Variants in ZBED6 observed in about 807,000 individuals in gnomAD.
ZBED6 encodes zinc finger BED-type containing 6.
Under a neutral mutation model 58.4 loss-of-function variants are expected in ZBED6, and 40 were observed. The ratio of observed to expected loss-of-function variants is 0.68; its 90% CI spans 0.53 to 0.89. The LOEUF is 0.89. ZBED6 is among the 40% of genes least tolerant of loss of function. The pLI is 0.00. For missense variants in ZBED6, 1,057 were observed against 1,003.9 expected (o/e 1.05, Z -0.71); for synonymous variants, 439 against 350.6 (o/e 1.25, Z -2.82).
At chr1:203,800,643 A>G (rs577448752) in exon 1 of ZBED6, 67 of 531,272 alleles carry the variant, frequency 1.3e-4, no homozygotes, top group African/African-American at 9.7e-4. Context: ...AAGATTTCAT[A>G]GCTATAACTG....
chr1:203,805,575 A>G lies in ZBED6; in HGVS notation c.*2554+2559A>G, dbSNP rs1030607715. ...GTAAATTTGGAAAGATCAGTATTTC[A>G]TAGTCCCATAATATGTTTTACATGA... is the stretch of plus-strand genomic sequence containing the variant. On this transcript the variant is annotated intron_variant, in intron 1 of 16. Transcript: ENST00000550078. 1.5e-5 allele frequency: 9 copies of G among 614,596 alleles called. No homozygotes were observed. In the African/African-American group the frequency reaches 1.5e-4, roughly 10 times the overall value. The allele number at this position is 614,596 out of a possible 1,614,324, so 38.1% of individuals were successfully genotyped here. A position where few individuals can be genotyped will look rare whatever the true frequency, so the allele number is the denominator to read the frequency against.
chr1:203,842,242 G>A (rs1242444408), intron 11 of ZBED6, among the ~76,000 whole-genome samples: 2 of 152,192 alleles, frequency 1.3e-5, no homozygotes, highest in African/African-American at 2.4e-5. Context: ...GGGAGGCAAG[G>A]CAGGCGGCTG....
intron 1 of ZBED6, among the ~76,000 whole-genome samples, chr1:203,816,122 A>G (rs897767411): frequency 6.6e-6 from 1 of 152,208 alleles, no homozygotes; most frequent in Admixed American, 6.5e-5. Context: ...TCACCTAGTT[A>G]TGATTATATA....
exon 1 of ZBED6, chr1:203,798,585 A>G: frequency 2.0e-6 from 3 of 1,536,178 alleles, no homozygotes; most frequent in Non-Finnish European, 2.6e-6. Context: ...GTCTACAGGC[A>G]GCCAAGATTT....
chr1:203,805,919 C>T (rs1672169749), intron 1 of ZBED6: 2 of 666,922 alleles, frequency 3.0e-6, no homozygotes, highest in Non-Finnish European at 5.7e-6. Context: ...TGCTTGTCTA[C>T]CTTCATTTCC....
chr1:203,798,968 G>T, exon 1 of ZBED6: 2 of 1,536,080 alleles, frequency 1.3e-6, no homozygotes, highest in South Asian at 2.4e-5. Context: ...AGATACACCT[G>T]ACTGTTGACA....
chr1:203,805,838 G>T, intron 1 of ZBED6: 1 of 906,574 alleles, frequency 1.1e-6, no homozygotes, highest in Non-Finnish European at 1.8e-6. Context: ...AGTGCTTCTT[G>T]GATTTCATTT....
intron 1 of ZBED6, among the ~76,000 whole-genome samples, chr1:203,810,081 TATTG>T (rs139197405): frequency 0.1 from 15,935 of 152,124 alleles, 1,094 homozygotes; most frequent in Non-Finnish European, 0.15. Flanking sequence ...CATGGGATAG[TATTG>T]ATTATAAAGT....
At position 203,840,211 on chromosome 1, in the gene ZBED6, T is replaced by C. The variant is rs1017373336; in HGVS notation, c.*3673-95T>C. On this transcript the variant is annotated intron_variant, in intron 10 of 16. Transcript: ENST00000550078. Reference sequence around the variant, plus strand: ...GCCTTGGCCTCCCAAAGTTCTGGGATTACAGGTGTATGCCACCATGCCCAG... The same window carrying C: ...GCCTTGGCCTCCCAAAGTTCTGGGACTACAGGTGTATGCCACCATGCCCAG... 5.7e-6 allele frequency: 7 copies of C among 1,238,082 alleles called. No individual in the cohort carries two copies. The African/African-American group carries it at 9.1e-5, about 16-fold the overall frequency. The allele number at this position is 1,238,082 out of a possible 1,614,324, so 76.7% of individuals were successfully genotyped here.
At chr1:203,827,074 G>A (rs960197834) in intron 3 of ZBED6, among the ~76,000 whole-genome samples, 11 of 152,202 alleles carry the variant, frequency 7.2e-5, no homozygotes, top group African/African-American at 2.6e-4. Context: ...GCACTCTTGT[G>A]TCTGGCTTCT....
chr1:203,804,471 T>C (rs1241350997), intron 1 of ZBED6, among the ~76,000 whole-genome samples: 13 of 151,966 alleles, frequency 8.6e-5, no homozygotes. Flanking sequence ...TATCTTTTTA[T>C]TGTGAATGGT....
chr1:203,849,761 A>G, exon 14 of ZBED6: 1 of 1,613,930 alleles, frequency 6.2e-7, no homozygotes, highest in South Asian at 1.1e-5. Context: ...AAGTCAAGAG[A>G]TGTGAGACCA....
At chr1:203,827,572 C>T (rs1680949999) in intron 3 of ZBED6, among the ~76,000 whole-genome samples, 5 of 151,822 alleles carry the variant, frequency 3.3e-5, no homozygotes. Flanking sequence ...GTCCCAGCTA[C>T]TCTGGAGGCT....
At chr1:203,804,547 T>C (rs1472525012) in intron 1 of ZBED6, among the ~76,000 whole-genome samples, 2 of 152,172 alleles carry the variant, frequency 1.3e-5, no homozygotes, top group East Asian at 3.8e-4. Flanking sequence ...ATTGCTGGTA[T>C]GAAGGAAATT....
In ZBED6 at chr1:203,837,842, C is replaced by G. The variant is rs1255257212; in HGVS notation, c.*3574-124C>G. 3 of 864,286 alleles carry G rather than the reference C, an allele frequency of 3.5e-6. No individual in the cohort carries two copies. In the South Asian group the frequency reaches 5.5e-5, roughly 16 times the overall value. The allele number at this position is 864,286 out of a possible 1,614,324, so 53.5% of individuals were successfully genotyped here. On this transcript the variant is annotated intron_variant, in intron 9 of 16. Coordinates refer to ENST00000550078, the Ensembl canonical transcript of ZBED6. ...ATTGAACTCTAAGGAAGCTGGTGAA[C>G]AAACACGCCATATGTATGCAGAACA...
exon 1 of ZBED6, chr1:203,796,106 GT>G (rs1398897833): frequency 5.1e-6 from 1 of 194,918 alleles, no homozygotes; most frequent in Non-Finnish European, 1.0e-5. Flanking sequence ...CACATCCGGT[GT>G]TCGCTAATCT....
At chr1:203,800,256 A>G (rs1047278047) in exon 1 of ZBED6, 1 of 1,113,968 alleles carries the variant, frequency 9.0e-7, no homozygotes, top group Non-Finnish European at 1.3e-6. Context: ...CCCCATGTGT[A>G]GTTGGCAATC....
intron 10 of ZBED6, among the ~76,000 whole-genome samples, chr1:203,838,821 C>A (rs1685161763): frequency 6.6e-6 from 1 of 151,890 alleles, no homozygotes; most frequent in Non-Finnish European, 1.5e-5. Context: ...GGCAGGGTGG[C>A]ACGCACCTAT....
chr1:203,797,615 T>G (rs1669001167), exon 1 of ZBED6: 1 of 1,535,710 alleles, frequency 6.5e-7, no homozygotes, highest in Non-Finnish European at 8.7e-7. Flanking sequence ...TGGGATGTGT[T>G]CCTATTAATT....
Sources: gnomAD v4.1 joint callset for allele counts (sites outside exome capture counted in the v4.1 genomes callset) on GRCh38, gnomAD v4.1.1 for gene constraint, MANE v1.5 for transcripts, NCBI Gene and HGNC (gene_info 2026-07-23, HGNC 2026-07-21) for gene names.